The following CHCHD3 variants were observed in gnomAD, a reference collection of about 807,000 sequenced individuals.
CHCHD3 encodes the protein coiled-coil-helix-coiled-coil-helix domain containing 3.
Under a neutral mutation model 38.2 loss-of-function variants are expected in CHCHD3, and 20 were observed. That is an observed-to-expected ratio of 0.52 (90% CI 0.37 to 0.76). CHCHD3 has a LOEUF of 0.76. Ranked by LOEUF, CHCHD3 falls within the 30% of genes least tolerant of loss-of-function variation. The pLI is 0.00. For synonymous variants in CHCHD3, 82 were observed against 100.0 expected (o/e 0.82, Z 1.07); for missense variants, 245 against 279.2 (o/e 0.88, Z 0.87).
chr7:132,808,122 T>C (rs1412454532), intron 6 of CHCHD3, among the ~76,000 whole-genome samples: 2 of 152,186 alleles, frequency 1.3e-5, no homozygotes, highest in African/African-American at 2.4e-5. Flanking sequence ...AGCACAAGTT[T>C]GGCACAAACC....
intron 3 of CHCHD3, among the ~76,000 whole-genome samples, chr7:133,001,894 C>T (rs1439277122): frequency 1.3e-5 from 2 of 152,200 alleles, no homozygotes; most frequent in Admixed American, 6.5e-5. Context: ...CTGTGCTGTA[C>T]TAAGAACTGT....
chr7:132,998,656 T>C (rs1812487936), intron 3 of CHCHD3, among the ~76,000 whole-genome samples: 1 of 152,174 alleles, frequency 6.6e-6, no homozygotes, highest in Non-Finnish European at 1.5e-5. Context: ...ACTCTGCCAG[T>C]TACATCAACA....
intron 2 of CHCHD3, among the ~76,000 whole-genome samples, chr7:133,025,455 T>G (rs557521383): frequency 1.3e-5 from 2 of 152,320 alleles, no homozygotes; most frequent in African/African-American, 2.4e-5. Context: ...CAGAAGCACT[T>G]AGGAGGATCT....
intron 2 of CHCHD3, among the ~76,000 whole-genome samples, chr7:133,032,694 A>C (rs895033727): frequency 1.3e-5 from 2 of 152,230 alleles, no homozygotes; most frequent in African/African-American, 4.8e-5. Flanking sequence ...TAGACATCTT[A>C]AGTAGACAAT....
chr7:132,868,917 C>T (rs778495801), intron 5 of CHCHD3, among the ~76,000 whole-genome samples: 1 of 152,094 alleles, frequency 6.6e-6, no homozygotes, highest in Non-Finnish European at 1.5e-5. Context: ...CCCAAGCTTT[C>T]ATGTTTGCTT....
chr7:133,058,563 G>A (rs1049629842), intron 2 of CHCHD3, among the ~76,000 whole-genome samples: 3 of 152,110 alleles, frequency 2.0e-5, no homozygotes, highest in Non-Finnish European at 2.9e-5. Flanking sequence ...CTTAAATGCT[G>A]CTTTAATATT....
intron 2 of CHCHD3, among the ~76,000 whole-genome samples, chr7:133,046,614 T>TGCAGTGGC (rs1813993560): frequency 6.6e-6 from 1 of 151,844 alleles, no homozygotes; most frequent in Admixed American, 6.6e-5. Context: ...CAGGCTGGAG[T>TGCAGTGGC]GCAGTGGCGC....
intron 3 of CHCHD3, among the ~76,000 whole-genome samples, chr7:133,008,369 GAA>G (rs10708536): frequency 1.3e-4 from 18 of 141,598 alleles, no homozygotes; most frequent in African/African-American, 1.8e-4. Flanking sequence ...TTTAAGAGAA[GAA>G]AAAAAAAAAC....
intron 4 of CHCHD3, among the ~76,000 whole-genome samples, chr7:132,914,309 G>A (rs1810047700): frequency 1.3e-5 from 2 of 152,094 alleles, no homozygotes; most frequent in South Asian, 4.1e-4. Flanking sequence ...AACTTGATTA[G>A]TTTAGCAGAC....
chr7:132,815,516 C>T (rs1262600097), intron 6 of CHCHD3: 3 of 454,892 alleles, frequency 6.6e-6, no homozygotes, highest in Non-Finnish European at 1.3e-5. Flanking sequence ...TTCACTGGTG[C>T]TCAGGTTGCC....
At chr7:133,042,070 T>C (rs1303263732) in intron 2 of CHCHD3, among the ~76,000 whole-genome samples, 2 of 152,234 alleles carry the variant, frequency 1.3e-5, no homozygotes, top group African/African-American at 4.8e-5. Context: ...TTTTTAAGCA[T>C]GCAATGACAG....
intron 3 of CHCHD3, among the ~76,000 whole-genome samples, chr7:132,998,805 A>T (rs1812491159): frequency 6.6e-6 from 1 of 152,190 alleles, no homozygotes; most frequent in Non-Finnish European, 1.5e-5. Flanking sequence ...AAAGTTGGTC[A>T]ATGAGTCAAT....
intron 2 of CHCHD3, among the ~76,000 whole-genome samples, chr7:133,060,332 T>C (rs1814467455): frequency 1.3e-5 from 2 of 151,914 alleles, no homozygotes; most frequent in African/African-American, 4.8e-5. Flanking sequence ...AATGAGAAAA[T>C]AGAAGCTATG....
chr7:133,071,543 T>C (rs1024724244), intron 1 of CHCHD3, among the ~76,000 whole-genome samples: 1 of 152,110 alleles, frequency 6.6e-6, no homozygotes, highest in Admixed American at 6.5e-5. Flanking sequence ...CTGGCTACAA[T>C]GTAGAGAACA....
chr7:132,996,728 G>T (rs1027495277), intron 3 of CHCHD3, among the ~76,000 whole-genome samples: 3 of 152,180 alleles, frequency 2.0e-5, no homozygotes, highest in Non-Finnish European at 1.5e-5. Flanking sequence ...TAAGCAAAGG[G>T]AAGAGGCAGC....
intron 4 of CHCHD3, among the ~76,000 whole-genome samples, chr7:132,940,197 C>A (rs1585657503): frequency 6.6e-6 from 1 of 152,312 alleles, no homozygotes; most frequent in East Asian, 1.9e-4. Flanking sequence ...CTACATGAGG[C>A]AATGCTTATA....
At chr7:132,847,473 G>T (rs973661) in intron 5 of CHCHD3, 34,687 of 152,080 alleles carry the variant, frequency 0.23, 4,117 homozygotes, top group South Asian at 0.26. Context: ...TTACCCATCT[G>T]GTATCTTCAT....
intron 4 of CHCHD3, among the ~76,000 whole-genome samples, chr7:132,960,165 G>C (rs1811281512): frequency 6.6e-6 from 1 of 151,914 alleles, no homozygotes; most frequent in Non-Finnish European, 1.5e-5. Context: ...CATTTACAAG[G>C]ACAAAACCTG....
At chr7:132,905,929 A>G (rs1462355501) in intron 4 of CHCHD3, among the ~76,000 whole-genome samples, 1 of 152,242 alleles carries the variant, frequency 6.6e-6, no homozygotes, top group Non-Finnish European at 1.5e-5. Flanking sequence ...TATATTAAGC[A>G]TAAATAACCA....
Sources: allele counts gnomAD v4.1 joint callset (sites outside exome capture counted in the v4.1 genomes callset), GRCh38; gene constraint gnomAD v4.1.1; transcripts MANE v1.5; gene names NCBI Gene and HGNC (gene_info 2026-07-23, HGNC 2026-07-21).